The following GPR158 variants were observed in gnomAD, a reference collection of about 807,000 sequenced individuals.
GPR158 encodes G protein-coupled receptor 158, also known as metabotropic glycine receptor.
A neutral mutation model predicts 78.2 loss-of-function variants in GPR158; 30 were observed. That is an observed-to-expected ratio of 0.38 (90% CI 0.29 to 0.52). GPR158 has a LOEUF of 0.52. Ranked by LOEUF, GPR158 falls within the 20% of genes least tolerant of loss-of-function variation. The pLI is 0.83. For synonymous variants in GPR158, 581 were observed against 591.1 expected (o/e 0.98, Z 0.25); for missense variants, 1,463 against 1,523.5 (o/e 0.96, Z 0.66).
intron 2 of GPR158, among the ~76,000 whole-genome samples, chr10:25,274,146 A>T (rs1351914210): frequency 6.6e-6 from 1 of 152,006 alleles, no homozygotes; most frequent in Non-Finnish European, 1.5e-5. Context: ...ATTTTTATTA[A>T]ATTTATTTAC....
chr10:25,462,544 C>T (rs1299545334), intron 4 of GPR158, among the ~76,000 whole-genome samples: 1 of 152,140 alleles, frequency 6.6e-6, no homozygotes, highest in African/African-American at 2.4e-5. Flanking sequence ...GCAAAGTAAA[C>T]TGAAAACCTC....
intron 2 of GPR158, among the ~76,000 whole-genome samples, chr10:25,354,134 A>C (rs1855514159): frequency 6.6e-6 from 1 of 152,060 alleles, no homozygotes; most frequent in Non-Finnish European, 1.5e-5. Flanking sequence ...TGGGTGGATC[A>C]CCTAAGGTCA....
intron 5 of GPR158, among the ~76,000 whole-genome samples, chr10:25,545,514 A>T (rs1446732769): frequency 6.6e-6 from 1 of 152,156 alleles, no homozygotes; most frequent in Non-Finnish European, 1.5e-5. Flanking sequence ...TCTTTGGAAA[A>T]GTGTCTGTTC....
intron 5 of GPR158, among the ~76,000 whole-genome samples, chr10:25,549,337 A>G (rs1444955339): frequency 6.6e-6 from 1 of 152,134 alleles, no homozygotes; most frequent in East Asian, 1.9e-4. Flanking sequence ...CTTGCTTTGC[A>G]GAACTCTTTA....
chr10:25,323,181 TCAGTAAGCCATGCTATACA>T (rs1353528354), intron 2 of GPR158, among the ~76,000 whole-genome samples: 9 of 152,278 alleles, frequency 5.9e-5, no homozygotes, highest in Middle Eastern at 3.4e-3. Context: ...CTTAAAATAT[TCAGTAAGCCATGCTATACA>T]CAGTAAGCCA....
chr10:25,303,483 A>G (rs1854627756), intron 2 of GPR158, among the ~76,000 whole-genome samples: 2 of 152,242 alleles, frequency 1.3e-5, no homozygotes, highest in African/African-American at 2.4e-5. Flanking sequence ...GAATTTGTAG[A>G]TAAAACAAAG....
Position 25,390,472 on chromosome 10 carries a change from A to G in GPR158, c.1009-5439A>G, listed in dbSNP as rs551770236. ...AACTGGAGCAAAGGTGATTCTTACTATGTTTTAGCAAAGAGACTGGTGGCA... is the reference window on the plus strand; with the variant it reads ...AACTGGAGCAAAGGTGATTCTTACTGTGTTTTAGCAAAGAGACTGGTGGCA... On this transcript the variant is annotated intron_variant, in intron 2 of 10. Transcript: ENST00000376351. Among the ~76,000 whole-genome samples the G allele has an allele frequency of 1.9e-4, 29 of 152,336 alleles. No individual in the cohort carries two copies. The East Asian group carries it at 5.0e-3, about 26-fold the overall frequency.
intron 7 of GPR158, among the ~76,000 whole-genome samples, chr10:25,578,623 T>G (rs183629120): frequency 1.5e-4 from 23 of 152,320 alleles, no homozygotes; most frequent in African/African-American, 5.3e-4. Context: ...TTAAAAAAGA[T>G]TACATAGTGT....
At chr10:25,466,613 TGTAA>T in intron 4 of GPR158, 34 bp from the exon 5 acceptor site, 1 of 1,391,486 alleles carries the variant, frequency 7.2e-7, no homozygotes. Context: ...GGCTTAGAAA[TGTAA>T]GTTAGTAATG....
intron 5 of GPR158, among the ~76,000 whole-genome samples, chr10:25,514,860 G>A (rs1242592648): frequency 1.3e-5 from 2 of 152,150 alleles, no homozygotes; most frequent in Non-Finnish European, 2.9e-5. Flanking sequence ...TTTCTAGCTT[G>A]TAGGGTTTCT....
chr10:25,315,890 T>C lies in GPR158; in HGVS notation c.1009-80021T>C, dbSNP rs79024601. Among the ~76,000 whole-genome samples the C allele has an allele frequency of 7.2e-5, 11 of 152,288 alleles. No individual in the cohort carries two copies. The South Asian group carries it at 2.1e-3, about 29-fold the overall frequency. ...GTCAGATTTTAATTGTTTCCTTTGA[T>C]GTATTGTTTGTAGATTGCTAAAGAA... On this transcript the variant is annotated intron_variant, in intron 2 of 10. Coordinates refer to ENST00000376351, the MANE Select transcript of GPR158 (RefSeq NM_020752.3).
intron 4 of GPR158, among the ~76,000 whole-genome samples, chr10:25,442,599 G>A (rs944865169): frequency 1.3e-4 from 20 of 151,758 alleles, no homozygotes; most frequent in African/African-American, 4.1e-4. Flanking sequence ...TAAAACTTCC[G>A]GATCTTTCCC....
chr10:25,476,568 A>G (rs190950860), intron 5 of GPR158, among the ~76,000 whole-genome samples: 159 of 152,284 alleles, frequency 1.0e-3, no homozygotes, highest in Middle Eastern at 3.4e-3. Flanking sequence ...TATACAACTC[A>G]GTCTTTCTCC....
intron 2 of GPR158, among the ~76,000 whole-genome samples, chr10:25,380,675 C>A (rs1834142206): frequency 6.6e-6 from 1 of 151,938 alleles, no homozygotes; most frequent in South Asian, 2.1e-4. Context: ...CTTTTAAGAA[C>A]TTATTCATGT....
intron 2 of GPR158, among the ~76,000 whole-genome samples, chr10:25,302,305 C>T (rs942739645): frequency 2.0e-5 from 3 of 150,332 alleles, no homozygotes; most frequent in Non-Finnish European, 4.4e-5. Context: ...AGGATGGTCT[C>T]GATCTCCTGA....
intron 2 of GPR158, among the ~76,000 whole-genome samples, chr10:25,324,871 C>T (rs1292688593): frequency 7.8e-6 from 1 of 127,558 alleles, no homozygotes; most frequent in African/African-American, 3.2e-5. Context: ...CAAGGTGTTG[C>T]TCTGTTGCAC....
At chr10:25,295,705 G>A (rs560592883) in intron 2 of GPR158, among the ~76,000 whole-genome samples, 55 of 152,198 alleles carry the variant, frequency 3.6e-4, no homozygotes, top group Middle Eastern at 3.4e-3. Flanking sequence ...GAGCCACCGC[G>A]CCCGGCCTGA....
intron 2 of GPR158, among the ~76,000 whole-genome samples, chr10:25,395,709 A>G (rs1233550825): frequency 6.6e-6 from 1 of 152,280 alleles, no homozygotes; most frequent in Admixed American, 6.5e-5. Flanking sequence ...CTGTAATGGC[A>G]TAAATTTAGA....
intron 2 of GPR158, among the ~76,000 whole-genome samples, chr10:25,376,226 T>C (rs540046677): frequency 4.0e-4 from 61 of 151,816 alleles, no homozygotes; most frequent in Middle Eastern, 3.4e-3. Context: ...TGTTAGTGTT[T>C]ATAGATATAG....
Sources: allele counts gnomAD v4.1 joint callset (sites outside exome capture counted in the v4.1 genomes callset), GRCh38; gene constraint gnomAD v4.1.1; transcripts MANE v1.5; gene names NCBI Gene and HGNC (gene_info 2026-07-23, HGNC 2026-07-21).